USP35: variants seen among roughly 807,000 people sequenced by gnomAD.
The protein encoded by USP35 is ubiquitin specific peptidase 35, also known as ubiquitin carboxyl-terminal hydrolase 35.
A neutral mutation model predicts 83.8 loss-of-function variants in USP35; 69 were observed. The ratio of observed to expected loss-of-function variants is 0.82; its 90% CI spans 0.68 to 1.01. The LOEUF (loss-of-function observed/expected upper bound fraction) is 1.01. Ranked by LOEUF, USP35 falls within the 50% of genes least tolerant of loss-of-function variation. The pLI, the probability that USP35 is intolerant of heterozygous loss-of-function variation, is 0.00. For missense variants in USP35, 1,503 were observed against 1,362.5 expected (o/e 1.10, Z -1.62); for synonymous variants, 714 against 589.5 (o/e 1.21, Z -3.06).
chr11:78,197,709 C>T (rs931561934), intron 2 of USP35, among the ~76,000 whole-genome samples: 3 of 152,220 alleles, frequency 2.0e-5, no homozygotes, highest in Non-Finnish European at 2.9e-5. Flanking sequence ...TTGATCAGTG[C>T]TTCGTCTGTG....
In USP35 at chr11:78,198,556, A is replaced by G. The variant is rs1445963302; in HGVS notation, c.806+488A>G. Reference sequence around the variant, plus strand: ...GCACCTGCCTGTCCAGTTGTCCCAGAATATGCCGCTCCCCTCCTCCCTGCA... The same window carrying G: ...GCACCTGCCTGTCCAGTTGTCCCAGGATATGCCGCTCCCCTCCTCCCTGCA... On this transcript the variant is annotated intron_variant, in intron 3 of 10. Transcript: ENST00000529308. 1.1e-5 allele frequency: 11 copies of G among 958,478 alleles called. No homozygotes were observed. The Admixed American group carries it at 6.8e-4, about 59-fold the overall frequency. 59.4% of individuals were successfully genotyped at this position (958,478 alleles called of 1,614,324 possible).
intron 1 of USP35, among the ~76,000 whole-genome samples, chr11:78,190,358 C>G (rs1006912743): frequency 6.6e-6 from 1 of 152,176 alleles, no homozygotes; most frequent in Non-Finnish European, 1.5e-5. Flanking sequence ...GCTTTCTTGA[C>G]TGATGTTTAA....
At chr11:78,202,235 C>T (rs1863379548) in intron 6 of USP35, among the ~76,000 whole-genome samples, 1 of 152,140 alleles carries the variant, frequency 6.6e-6, no homozygotes, top group African/African-American at 2.4e-5. Flanking sequence ...AGGGAGTTAG[C>T]ACTAAGAAGC....
downstream of USP35, chr11:78,216,507 A>C (rs929171458): frequency 6.6e-6 from 1 of 152,106 alleles, no homozygotes; most frequent in African/African-American, 2.4e-5. Context: ...TTGCTTTCAA[A>C]AGGTCAATTT....
chr11:78,218,881 G>C (rs986051066), downstream of USP35: 1 of 172,072 alleles, frequency 5.8e-6, no homozygotes, highest in Non-Finnish European at 1.2e-5. Context: ...CCGGAGGGAA[G>C]ATAGCTGAGG....
intron 6 of USP35, among the ~76,000 whole-genome samples, chr11:78,202,078 G>C (rs1863375755): frequency 6.6e-6 from 1 of 152,240 alleles, no homozygotes; most frequent in Non-Finnish European, 1.5e-5. Flanking sequence ...AAAAGGAAGA[G>C]ATAACTGAAT....
the USP35 span, among the ~76,000 whole-genome samples, chr11:78,237,051 G>C: frequency 2.0e-5 from 3 of 152,090 alleles, no homozygotes; most frequent in African/African-American, 4.8e-5. Flanking sequence ...GGTTATGCTG[G>C]TCTCATAAAA....
intron 1 of USP35, among the ~76,000 whole-genome samples, chr11:78,193,759 C>G (rs1863065900): frequency 6.6e-6 from 1 of 152,200 alleles, no homozygotes; most frequent in South Asian, 2.1e-4. Context: ...ACAACAACAA[C>G]AACAAAACCC....
chr11:78,221,340 C>G, the USP35 span, among the ~76,000 whole-genome samples: 1 of 152,162 alleles, frequency 6.6e-6, no homozygotes, highest in Admixed American at 6.5e-5. Flanking sequence ...CCTCTCACCA[C>G]TGAGGAGATA....
the USP35 span, among the ~76,000 whole-genome samples, chr11:78,233,395 T>G: frequency 6.6e-6 from 1 of 152,222 alleles, no homozygotes; most frequent in Non-Finnish European, 1.5e-5. Context: ...ACTGAGATTT[T>G]AATTTGCATT....
downstream of USP35, chr11:78,216,232 AGAAGTGGAGCTG>A (rs1400582958): frequency 6.6e-6 from 1 of 152,404 alleles, no homozygotes; most frequent in Non-Finnish European, 1.5e-5. Context: ...TTAACCTTGC[AGAAGTGGAGCTG>A]GAAGTGGGTG....
chr11:78,191,212 G>A (rs1463387245), intron 1 of USP35, among the ~76,000 whole-genome samples: 1 of 152,222 alleles, frequency 6.6e-6, no homozygotes, highest in Non-Finnish European at 1.5e-5. Flanking sequence ...GATAAGTCAG[G>A]CTCAACTGTG....
At chr11:78,203,822 G>A (rs1183957321) in intron 6 of USP35, among the ~76,000 whole-genome samples, 1 of 150,138 alleles carries the variant, frequency 6.7e-6, no homozygotes, top group African/African-American at 2.5e-5. Context: ...TTGTGATCCA[G>A]CCATCTCGAC....
chr11:78,198,124 T>C (rs1329395358), intron 3 of USP35, 56 bp downstream of exon 3: 3 of 1,607,444 alleles, frequency 1.9e-6, no homozygotes, highest in Non-Finnish European at 2.5e-6. Context: ...TCTCTTCCTC[T>C]CAGAAGCCCC....
downstream of USP35, chr11:78,215,550 G>C (rs957330296): frequency 1.3e-5 from 2 of 152,546 alleles, no homozygotes; most frequent in African/African-American, 4.8e-5. Context: ...AACAAGACAA[G>C]AACTCAAGAC....
intron 6 of USP35, 136 bp from the exon 7 acceptor site, chr11:78,205,706 C>G (rs1029551010): frequency 1.1e-6 from 1 of 939,188 alleles, no homozygotes; most frequent in East Asian, 2.6e-5. Flanking sequence ...ACACACACCC[C>G]AGAACATCTG....
Position 78,196,856 on chromosome 11 carries a change from G to T in USP35, c.611G>T (p.Arg204Leu), listed in dbSNP as rs751795044. 6.4e-4 allele frequency: 969 copies of T among 1,504,346 alleles called. No individual in the cohort carries two copies. The highest frequency in any genetic ancestry group is 8.1e-4 in the Non-Finnish European group (916 of 1,131,224). 93.2% of individuals were successfully genotyped at this position (1,504,346 alleles called of 1,614,324 possible). A position where few individuals can be genotyped will look rare whatever the true frequency, so the allele number is the denominator to read the frequency against. Residue 204 changes from arginine to leucine, a missense_variant, in exon 2 of 11, where the codon CGC (arginine) becomes CTC (leucine). Arg to Leu is a moderately radical substitution (Grantham distance 102). Transcript: ENST00000529308. This position sits in a 1 kb window ranked among gnomAD's most constrained non-coding sequence, Gnocchi z 4.8. The part of the protein sequence containing the change: ...QVSGLLAQLW[R>L]AQPAAILPCL... Reference sequence around the variant, plus strand: ...AGCGGGCTCCTGGCGCAGCTGTGGCGCGCACAGCCCGCCGCCATCCTGCCC... The same window carrying T: ...AGCGGGCTCCTGGCGCAGCTGTGGCTCGCACAGCCCGCCGCCATCCTGCCC...
chr11:78,203,943 T>A lies in USP35; in HGVS notation c.1198-1899T>A, dbSNP rs1252677739. On this transcript the variant is annotated intron_variant, in intron 6 of 10. Coordinates refer to ENST00000529308, the MANE Select transcript of USP35 (RefSeq NM_020798.4). Reference sequence around the variant, plus strand: ...TCTCGCTCTGTCGTCCAGGCTGGAGTGCAGTGGCGGGATCTCGGCTCACTG... The same window carrying A: ...TCTCGCTCTGTCGTCCAGGCTGGAGAGCAGTGGCGGGATCTCGGCTCACTG... 2.9e-5 allele frequency among the ~76,000 whole-genome samples: 4 copies of A among 135,994 alleles called. No individual in the cohort carries two copies. The East Asian group carries it at 9.0e-4, about 30-fold the overall frequency. The allele number at this position is 135,994 out of a possible 152,430, so 89.2% of individuals were successfully genotyped here. A position where few individuals can be genotyped will look rare whatever the true frequency, so the allele number is the denominator to read the frequency against.
chr11:78,200,668 C>A lies in USP35; in HGVS notation c.1057C>A (p.Pro353Thr), dbSNP rs771354351. Residue 353 changes from proline to threonine, a missense_variant, in exon 6 of 11, where the codon CCC becomes ACC. Transcript: ENST00000529308. ...AFHLLLPHIP[P>T]MVASLVKEDS... Reference sequence around the variant, plus strand: ...CCCACAGCTCCTCCCTCACATCCCCCCCATGGTGGCCTCTCTGGTCAAGGA... The same window carrying A: ...CCCACAGCTCCTCCCTCACATCCCCACCATGGTGGCCTCTCTGGTCAAGGA... 3.7e-6 allele frequency: 6 copies of A among 1,612,260 alleles called. No individual in the cohort carries two copies. In the African/African-American group the frequency reaches 8.0e-5, roughly 22 times the overall value.
Sources: gnomAD v4.1 joint callset for allele counts (sites outside exome capture counted in the v4.1 genomes callset) on GRCh38, gnomAD v4.1.1 for gene constraint, Gnocchi (gnomAD v3.1) non-coding constraint, MANE v1.5 for transcripts, NCBI Gene and HGNC (gene_info 2026-07-23, HGNC 2026-07-21) for gene names.